The following MBD5 variants were observed in gnomAD, a reference collection of about 807,000 sequenced individuals.
The protein encoded by MBD5 is methyl-CpG binding domain protein 5.
Under a neutral mutation model 117.3 loss-of-function variants are expected in MBD5, and 13 were observed. That is an observed-to-expected ratio of 0.11 (90% CI 0.07 to 0.18). The LOEUF (loss-of-function observed/expected upper bound fraction) is 0.18. Among genes scored for constraint, MBD5 ranks in the 10% least tolerant of loss-of-function variants. The pLI is 1.00. For missense variants in MBD5, 1,879 were observed against 2,093.8 expected (o/e 0.90, Z 2.00); for synonymous variants, 727 against 766.4 (o/e 0.95, Z 0.85).
In MBD5 at chr2:148,108,703, TTTTG is replaced by T. The variant is rs558167794; in HGVS notation, c.-924-69981_-924-69978del. ...CTAGCTCCTGGGTACATTTAAGAGT[TTTTG>T]TTTGTTTGTTTGTTTTACTCTATCT... On this transcript the variant is annotated intron_variant, in intron 1 of 13. Transcript: ENST00000642680. Among the ~76,000 whole-genome samples the T allele has an allele frequency of 6.6e-4, 100 of 152,310 alleles. 1 individual carries two copies. Among genetic ancestry groups the T allele is most frequent in the Non-Finnish European group, 1.1e-3 (75 of 68,024 alleles).
chr2:148,422,310 C>G (rs768739233), intron 4 of MBD5, among the ~76,000 whole-genome samples: 18 of 152,124 alleles, frequency 1.2e-4, no homozygotes, highest in Non-Finnish European at 2.5e-4. Flanking sequence ...AGTGGACCTC[C>G]AGCAAACTCT....
intron 4 of MBD5, among the ~76,000 whole-genome samples, chr2:148,411,274 G>T (rs1705238874): frequency 6.6e-6 from 1 of 151,982 alleles, no homozygotes; most frequent in South Asian, 2.1e-4. Flanking sequence ...GGGTATTTAG[G>T]TTGATTCCAT....
rs566363580 is a variant in MBD5 at position 148,040,223 on chromosome 2, A to G, written c.-925+18539A>G. On this transcript the variant is annotated intron_variant, in intron 1 of 13. Transcript: ENST00000642680. ...TAACTAAATAAATAACAAATAAGCT[A>G]GACATGGTGGCACGAGCCTGTAGTC... Among the ~76,000 whole-genome samples the G allele has an allele frequency of 2.0e-4, 30 of 152,260 alleles. 1 individual carries two copies. In the South Asian group the frequency reaches 6.0e-3, roughly 31 times the overall value.
chr2:148,064,070 C>G (rs1695112246), intron 1 of MBD5, among the ~76,000 whole-genome samples: 1 of 151,132 alleles, frequency 6.6e-6, no homozygotes, highest in African/African-American at 2.4e-5. Flanking sequence ...TGCTCTTGCT[C>G]TTTCATATAT....
At chr2:148,140,462 A>T (rs1397356069) in intron 1 of MBD5, among the ~76,000 whole-genome samples, 1 of 152,154 alleles carries the variant, frequency 6.6e-6, no homozygotes, top group Non-Finnish European at 1.5e-5. Flanking sequence ...TCCCATGTAA[A>T]GGTAGTTAAC....
chr2:148,363,280 T>C (rs1703594082), intron 4 of MBD5, among the ~76,000 whole-genome samples: 3 of 152,160 alleles, frequency 2.0e-5, no homozygotes. Context: ...TCACCCAGGC[T>C]GGAGTGCAGT....
chr2:148,245,811 T>C (rs1700324390), intron 3 of MBD5, among the ~76,000 whole-genome samples: 1 of 152,186 alleles, frequency 6.6e-6, no homozygotes, highest in African/African-American at 2.4e-5. Context: ...CACTTCTTAT[T>C]TTCTATGCTT....
At chr2:148,078,760 G>C (rs557029468) in intron 1 of MBD5, among the ~76,000 whole-genome samples, 1 of 152,228 alleles carries the variant, frequency 6.6e-6, no homozygotes, top group South Asian at 2.1e-4. Context: ...GTTTTTGTTG[G>C]TAATTGTGGG....
intron 12 of MBD5, among the ~76,000 whole-genome samples, chr2:148,506,943 C>T (rs562529975): frequency 3.9e-5 from 6 of 152,280 alleles, no homozygotes; most frequent in South Asian, 2.1e-4. Flanking sequence ...TCTTCCCTGA[C>T]CTGACCAGTA....
At chr2:148,378,807 A>C (rs1484616696) in intron 4 of MBD5, among the ~76,000 whole-genome samples, 1 of 152,112 alleles carries the variant, frequency 6.6e-6, no homozygotes, top group Admixed American at 6.5e-5. Flanking sequence ...GCATATTTAC[A>C]AATATGTGAT....
chr2:148,479,352 T>G (rs1681071091), intron 8 of MBD5, among the ~76,000 whole-genome samples: 1 of 152,210 alleles, frequency 6.6e-6, no homozygotes, highest in African/African-American at 2.4e-5. Context: ...ACGGGTGGTA[T>G]TCTTTCCCTT....
intron 4 of MBD5, among the ~76,000 whole-genome samples, chr2:148,428,659 G>A (rs1705886874): frequency 1.3e-5 from 2 of 152,096 alleles, no homozygotes; most frequent in African/African-American, 4.8e-5. Flanking sequence ...ATAGACCAAT[G>A]GAACAGAACA....
At chr2:148,241,665 C>T (rs1700219644) in intron 3 of MBD5, among the ~76,000 whole-genome samples, 2 of 152,120 alleles carry the variant, frequency 1.3e-5, no homozygotes, top group Non-Finnish European at 2.9e-5. Context: ...TCTGATACTT[C>T]AAGCAAGTAA....
At chr2:148,140,475 G>GGGAGT (rs1697286588) in intron 1 of MBD5, among the ~76,000 whole-genome samples, 1 of 152,072 alleles carries the variant, frequency 6.6e-6, no homozygotes, top group Admixed American at 6.6e-5. Context: ...TAGTTAACTA[G>GGGAGT]TCACAATTCT....
chr2:148,050,280 A>C (rs149459721), intron 1 of MBD5, among the ~76,000 whole-genome samples: 1 of 152,320 alleles, frequency 6.6e-6, no homozygotes, highest in Non-Finnish European at 1.5e-5. Context: ...ACTGATGGCT[A>C]ACGATGTTCC....
At position 148,516,176 on chromosome 2, in the gene MBD5, G is replaced by A. The variant is rs1308157699; in HGVS notation, c.*3235G>A. 1.3e-5 allele frequency: 2 copies of A among 152,162 alleles called. No individual in the cohort carries two copies. Among genetic ancestry groups the A allele is most frequent in the Non-Finnish European group, 2.9e-5 (2 of 68,020 alleles). 9.4% of individuals were successfully genotyped at this position (152,162 alleles called of 1,614,324 possible). The stretch of plus-strand genomic sequence containing the variant: ...TAGGAAGATTCTTATATCCTACGAG[G>A]TGACTCATGTTTCATTTTAGACCAT... On this transcript the variant is annotated 3_prime_UTR_variant, in exon 14 of 14. Coordinates refer to ENST00000642680, the MANE Select transcript of MBD5 (RefSeq NM_001378120.1).
chr2:148,287,725 G>C (rs1701396258), intron 3 of MBD5, among the ~76,000 whole-genome samples: 1 of 152,164 alleles, frequency 6.6e-6, no homozygotes, highest in South Asian at 2.1e-4. Flanking sequence ...AAGAGCAATA[G>C]AGCATGTGTA....
chr2:148,075,186 C>G (rs894440449), intron 1 of MBD5, among the ~76,000 whole-genome samples: 19 of 152,144 alleles, frequency 1.2e-4, no homozygotes, highest in African/African-American at 4.6e-4. Flanking sequence ...GAAGAGGGGT[C>G]TACATGTCAG....
chr2:148,457,416 G>T (rs184516602), intron 4 of MBD5, among the ~76,000 whole-genome samples: 1 of 152,074 alleles, frequency 6.6e-6, no homozygotes, highest in East Asian at 1.9e-4. Flanking sequence ...ATGTGAAGTT[G>T]CATTCCCCAC....
Sources: gnomAD v4.1 joint callset for allele counts (sites outside exome capture counted in the v4.1 genomes callset) on GRCh38, gnomAD v4.1.1 for gene constraint, MANE v1.5 for transcripts, NCBI Gene and HGNC (gene_info 2026-07-23, HGNC 2026-07-21) for gene names.